ATP8A1: variants seen among roughly 807,000 people sequenced by gnomAD.
ATP8A1 encodes ATPase phospholipid transporting 8A1.
ATP8A1 carries 90 observed loss-of-function variants against 177.7 expected under a neutral mutation model. The observed-to-expected ratio is 0.51, with a 90% CI of 0.43 to 0.60. The LOEUF (loss-of-function observed/expected upper bound fraction) is 0.60. ATP8A1 is among the 20% of genes least tolerant of loss of function. The probability of loss-of-function intolerance (pLI) is 0.00; values close to 1 mark genes in which losing one functional copy is unlikely to be tolerated. For synonymous variants in ATP8A1, 493 were observed against 485.9 expected (o/e 1.01, Z -0.19); for missense variants, 1,072 against 1,392.8 (o/e 0.77, Z 3.67).
chr4:42,609,817 T>G (rs539373450), intron 5 of ATP8A1, among the ~76,000 whole-genome samples: 2 of 152,174 alleles, frequency 1.3e-5, no homozygotes, highest in East Asian at 3.9e-4. Context: ...GTCAAATTCT[T>G]TCAAAAGCAC....
chr4:42,490,904 C>T (rs1324043000), intron 24 of ATP8A1, among the ~76,000 whole-genome samples: 2 of 152,030 alleles, frequency 1.3e-5, no homozygotes, highest in Non-Finnish European at 2.9e-5. Context: ...ATTTATATGT[C>T]TATATTCCCT....
At chr4:42,527,269 G>A (rs1320851581) in intron 20 of ATP8A1, among the ~76,000 whole-genome samples, 4 of 152,214 alleles carry the variant, frequency 2.6e-5, no homozygotes, top group African/African-American at 9.7e-5. Context: ...AAGGAAAGGT[G>A]CATGCGTAGC....
chr4:42,507,228 A>G (rs1724463165), intron 22 of ATP8A1, 74 bp from the exon 23 acceptor site: 4 of 1,449,572 alleles, frequency 2.8e-6, no homozygotes, highest in Admixed American at 2.0e-5. Flanking sequence ...TGAAGTGTGT[A>G]TATGTTTTAA....
chr4:42,490,284 C>T (rs866154124), intron 24 of ATP8A1, among the ~76,000 whole-genome samples: 1 of 152,186 alleles, frequency 6.6e-6, no homozygotes, highest in African/African-American at 2.4e-5. Flanking sequence ...TTAGGCCACA[C>T]CCAACACAAC....
chr4:42,581,669 C>A lies in ATP8A1; in HGVS notation c.786G>T (p.Trp262Cys), dbSNP rs892258952. ...CAGTGTAGACAACTATTCCATGAACCCACTGTGTATTTCTCAACTGAGCTC... is the reference window on the plus strand; with the variant it reads ...CAGTGTAGACAACTATTCCATGAACACACTGTGTATTTCTCAACTGAGCTC... ...LRGAQLRNTQ[W>C]VHGIVVYTGH... is the part of the protein sequence containing the mutation. Residue 262 changes from tryptophan (W) to cysteine (C), a missense_variant, in exon 10 of 37, where the codon TGG becomes TGT. Around this residue, in one of 5 missense-constraint regions of ATP8A1, gnomAD observed 344 missense variants for 393.5 expected, o/e 0.87. Transcript: ENST00000381668. 1.9e-5 allele frequency: 31 copies of A among 1,614,026 alleles called. No individual in the cohort carries two copies. Among genetic ancestry groups the A allele is most frequent in the Non-Finnish European group, 2.3e-5 (27 of 1,180,026 alleles).
chr4:42,462,384 C>G lies in ATP8A1; in HGVS notation c.2619+2306G>C, dbSNP rs560717396. On this transcript the variant is annotated intron_variant, in intron 27 of 36. Transcript: ENST00000381668. Reference sequence around the variant, plus strand: ...AGCCAAGAGACTTGGTGCTCTGCATCCCAGTTGCTCCAGACATGGCTGAAA... The same window carrying G: ...AGCCAAGAGACTTGGTGCTCTGCATGCCAGTTGCTCCAGACATGGCTGAAA... Among the ~76,000 whole-genome samples, 23 of 152,340 alleles carry G rather than the reference C, an allele frequency of 1.5e-4. No individual in the cohort carries two copies. In the South Asian group the frequency reaches 4.8e-3, roughly 32 times the overall value.
intron 5 of ATP8A1, among the ~76,000 whole-genome samples, chr4:42,613,728 C>T (rs1039897168): frequency 6.6e-6 from 1 of 151,956 alleles, no homozygotes; most frequent in Non-Finnish European, 1.5e-5. Context: ...GGATTACAGG[C>T]GCCTGCCACC....
In ATP8A1 at chr4:42,410,819, T is replaced by C. The variant is rs1299179640; in HGVS notation, c.*2097A>G. On this transcript the variant is annotated 3_prime_UTR_variant, in exon 37 of 37. Transcript: ENST00000381668. ...CCAGTTCTATTATATCCATAATGTT[T>C]TTATATTAAAATTCTGCAGAAGGGT... The C allele has an allele frequency of 6.6e-6, 1 of 152,212 alleles. No homozygotes were observed. The highest frequency in any genetic ancestry group is 1.5e-5 in the Non-Finnish European group (1 of 68,032). The allele number at this position is 152,212 out of a possible 1,614,324, so 9.4% of individuals were successfully genotyped here. A position where few individuals can be genotyped will look rare whatever the true frequency, so the allele number is the denominator to read the frequency against.
chr4:42,527,135 A>G (rs1314891519), intron 20 of ATP8A1, among the ~76,000 whole-genome samples: 4 of 152,350 alleles, frequency 2.6e-5, no homozygotes, highest in African/African-American at 9.6e-5. Flanking sequence ...CTGGCTTCAG[A>G]AGCAGATACT....
intron 19 of ATP8A1, among the ~76,000 whole-genome samples, chr4:42,548,428 A>T (rs983173895): frequency 2.0e-5 from 3 of 152,172 alleles, no homozygotes; most frequent in Admixed American, 1.3e-4. Flanking sequence ...ATTGATACAC[A>T]GTATTTGTAC....
At chr4:42,419,036 T>C (rs566414550) in intron 35 of ATP8A1, among the ~76,000 whole-genome samples, 2 of 152,318 alleles carry the variant, frequency 1.3e-5, no homozygotes, top group South Asian at 4.1e-4. Flanking sequence ...AACTGCATCA[T>C]TGTATGACAA....
chr4:42,610,107 T>C (rs1318983429), intron 5 of ATP8A1, among the ~76,000 whole-genome samples: 2 of 152,000 alleles, frequency 1.3e-5, no homozygotes, highest in Non-Finnish European at 1.5e-5. Context: ...TCTTACTTCA[T>C]GAACCCCTCA....
intron 15 of ATP8A1, chr4:42,556,305 G>A (rs111270515): frequency 8.6e-5 from 24 of 278,174 alleles, no homozygotes; most frequent in African/African-American, 2.6e-4. Context: ...AAATTATATC[G>A]CAGCCACATA....
At position 42,420,989 on chromosome 4, in the gene ATP8A1, C is replaced by G. The variant is rs557822837; in HGVS notation, c.3305+1818G>C. Among the ~76,000 whole-genome samples, 9 of 152,150 alleles carry G rather than the reference C, an allele frequency of 5.9e-5. No homozygotes were observed. In the South Asian group the frequency reaches 1.7e-3, roughly 28 times the overall value. ...TTCACTGTGTTAGCCAGGATGGTCTCGATCTCCTGACCTCGTGATCTGCCC... is the reference window on the plus strand; with the variant it reads ...TTCACTGTGTTAGCCAGGATGGTCTGGATCTCCTGACCTCGTGATCTGCCC... On this transcript the variant is annotated intron_variant, in intron 35 of 36. Transcript: ENST00000381668.
At chr4:42,617,555 A>G (rs1300730789) in intron 4 of ATP8A1, among the ~76,000 whole-genome samples, 2 of 152,234 alleles carry the variant, frequency 1.3e-5, no homozygotes, top group Admixed American at 6.5e-5. Flanking sequence ...AGAGATTAGA[A>G]GAAAATTAGA....
chr4:42,471,856 C>A, intron 25 of ATP8A1: 1 of 599,450 alleles, frequency 1.7e-6, no homozygotes, highest in Non-Finnish European at 3.2e-6. Flanking sequence ...AGCGAGACGC[C>A]AAACGAGTTA....
chr4:42,598,864 T>C (rs1734974002), intron 6 of ATP8A1, among the ~76,000 whole-genome samples: 1 of 152,192 alleles, frequency 6.6e-6, no homozygotes, highest in East Asian at 1.9e-4. Flanking sequence ...TAATTACTTC[T>C]ATAATTCTAA....
chr4:42,617,986 T>C (rs1428246574), intron 4 of ATP8A1, among the ~76,000 whole-genome samples: 1 of 152,250 alleles, frequency 6.6e-6, no homozygotes, highest in African/African-American at 2.4e-5. Context: ...AATTAAGCTA[T>C]TCTCTGAGTT....
intron 24 of ATP8A1, among the ~76,000 whole-genome samples, chr4:42,489,029 AGAGT>A (rs1288447218): frequency 2.5e-4 from 38 of 152,272 alleles, no homozygotes; most frequent in African/African-American, 8.7e-4. Context: ...AGAAAGAGAG[AGAGT>A]AAGAGAGAGA....
Sources: allele counts gnomAD v4.1 joint callset (sites outside exome capture counted in the v4.1 genomes callset), GRCh38; gene constraint gnomAD v4.1.1; regional missense constraint gnomAD v4.1.1; transcripts MANE v1.5; gene names NCBI Gene and HGNC (gene_info 2026-07-23, HGNC 2026-07-21).